B3GALNT2: variants seen among roughly 807,000 people sequenced by gnomAD.
B3GALNT2 encodes the protein beta-1,3-N-acetylgalactosaminyltransferase 2.
In B3GALNT2, 53 loss-of-function variants were observed where a neutral mutation model predicts 61.1. The ratio of observed to expected loss-of-function variants is 0.87; its 90% CI spans 0.70 to 1.09. The LOEUF (loss-of-function observed/expected upper bound fraction) is 1.09, where lower values mean the gene tolerates loss of function less well. Among genes scored for constraint, B3GALNT2 ranks in the 50% least tolerant of loss-of-function variants. B3GALNT2 has a pLI of 0.00. For synonymous variants in B3GALNT2, 223 were observed against 237.4 expected, an observed-to-expected ratio of 0.94 and a Z score of 0.56; for missense variants, 544 against 623.0, an observed-to-expected ratio of 0.87 and a Z score of 1.35.
intron 6 of B3GALNT2, among the ~76,000 whole-genome samples, chr1:235,468,717 C>T (rs546727363): frequency 3.7e-4 from 50 of 133,466 alleles, no homozygotes; most frequent in Non-Finnish European, 1.4e-4. Flanking sequence ...TCCCGAAGTG[C>T]TGGGATTACA....
chr1:235,483,734 T>C (rs291386), intron 4 of B3GALNT2, among the ~76,000 whole-genome samples: 112,069 of 152,168 alleles, frequency 0.74, 42,341 homozygotes, highest in African/African-American at 0.92. Context: ...TAGGGTTTAC[T>C]GAATAATTCC....
chr1:235,481,959 C>A (rs991407335), intron 4 of B3GALNT2, among the ~76,000 whole-genome samples: 13 of 151,972 alleles, frequency 8.6e-5, no homozygotes, highest in African/African-American at 2.9e-4. Flanking sequence ...AGGGCAAATT[C>A]CAAAAAAGAA....
At chr1:235,474,270 A>T (rs1442329897) in intron 5 of B3GALNT2, among the ~76,000 whole-genome samples, 1 of 152,216 alleles carries the variant, frequency 6.6e-6, no homozygotes, top group African/African-American at 2.4e-5. Flanking sequence ...AAGATCATAA[A>T]AACCAAAATA....
chr1:235,455,493 TTA>T, intron 9 of B3GALNT2, 64 bp downstream of exon 9: 1 of 1,520,074 alleles, frequency 6.6e-7, no homozygotes. Context: ...AAAAGATATT[TTA>T]TGCTTTATTA....
chr1:235,495,141 G>C (rs929094394), intron 1 of B3GALNT2, among the ~76,000 whole-genome samples: 21 of 152,106 alleles, frequency 1.4e-4, no homozygotes, highest in Admixed American at 4.6e-4. Context: ...AAAAATAGTA[G>C]GCATTAAGAG....
At chr1:235,482,056 C>T (rs1475731744) in intron 4 of B3GALNT2, among the ~76,000 whole-genome samples, 1 of 152,168 alleles carries the variant, frequency 6.6e-6, no homozygotes. Flanking sequence ...AATACAAACA[C>T]ATTTTAAAAA....
chr1:235,499,291 T>C (rs1193516701), intron 1 of B3GALNT2, among the ~76,000 whole-genome samples: 2 of 152,210 alleles, frequency 1.3e-5, no homozygotes, highest in African/African-American at 2.4e-5. Flanking sequence ...CTGGTTACTA[T>C]CCCTGGTAGT....
chr1:235,482,651 A>G (rs963266830), intron 4 of B3GALNT2, among the ~76,000 whole-genome samples: 1 of 152,152 alleles, frequency 6.6e-6, no homozygotes, highest in Admixed American at 6.6e-5. Flanking sequence ...TAGGATCCAG[A>G]GTTCCTACAA....
At chr1:235,460,177 G>A (rs1193667407) in intron 7 of B3GALNT2, among the ~76,000 whole-genome samples, 3 of 151,832 alleles carry the variant, frequency 2.0e-5, no homozygotes, top group Admixed American at 6.6e-5. Flanking sequence ...ACAATGGCAC[G>A]ATCTCAGCTC....
downstream of B3GALNT2, among the ~76,000 whole-genome samples, chr1:235,446,695 GTT>G (rs11405266): frequency 1.3e-4 from 18 of 138,892 alleles, no homozygotes; most frequent in Admixed American, 2.2e-4. Context: ...GAGTAGGCAG[GTT>G]TTTTTTTTTT....
At chr1:235,451,372 T>C (rs1488128646) in intron 11 of B3GALNT2, 2 of 151,326 alleles carry the variant, frequency 1.3e-5, no homozygotes, top group Admixed American at 6.6e-5. Context: ...GATGGTAGTA[T>C]TCCTAGATGC....
At chr1:235,480,442 T>C (rs894951365) in intron 4 of B3GALNT2, among the ~76,000 whole-genome samples, 1 of 150,546 alleles carries the variant, frequency 6.6e-6, no homozygotes, top group African/African-American at 2.4e-5. Context: ...TTCAGGGAAG[T>C]GAGCAGTGTT....
chr1:235,498,464 T>C (rs1396007761), intron 1 of B3GALNT2, among the ~76,000 whole-genome samples: 1 of 152,202 alleles, frequency 6.6e-6, no homozygotes, highest in Non-Finnish European at 1.5e-5. Context: ...TTCTCCTACA[T>C]TCAAACTGAC....
chr1:235,495,564 T>C (rs1193435209), intron 1 of B3GALNT2, among the ~76,000 whole-genome samples: 2 of 151,754 alleles, frequency 1.3e-5, no homozygotes, highest in Non-Finnish European at 2.9e-5. Flanking sequence ...AATAATAAAG[T>C]AAGTCATTCT....
rs1007431959 is a variant in B3GALNT2, at chr1:235,504,423, G to C, written c.-171C>G. ...TCGCAGCTCCCGGCCCCGCTCCTCCGGTCCCTCAGACCGCGGGTGGCCGCG... is the reference window on the plus strand; with the variant it reads ...TCGCAGCTCCCGGCCCCGCTCCTCCCGTCCCTCAGACCGCGGGTGGCCGCG... On this transcript the variant is annotated 5_prime_UTR_variant, in exon 1 of 12. Transcript: ENST00000366600. 5.9e-6 allele frequency: 4 copies of C among 677,268 alleles called. No homozygotes were observed. Among genetic ancestry groups the C allele is most frequent in the Non-Finnish European group, 6.5e-6 (3 of 458,764 alleles). The allele number at this position is 677,268 out of a possible 1,614,324, so 42.0% of individuals were successfully genotyped here.
chr1:235,504,244 G>A lies in B3GALNT2; in HGVS notation c.9C>T (p.Asn3=), dbSNP rs1000058314. Residue 3 remains asparagine, a synonymous_variant, in exon 1 of 12, where the codon AAC becomes AAT. Transcript: ENST00000366600. MR[N]WLVLLCPCVL... ...CACACGGGCACAGCAGCACCAGCCAGTTTCGCATTGGCCGCCCCCGCCGCG... is the reference window on the plus strand; with the variant it reads ...CACACGGGCACAGCAGCACCAGCCAATTTCGCATTGGCCGCCCCCGCCGCG... 4 of 1,486,682 alleles carry A rather than the reference G, an allele frequency of 2.7e-6. No homozygotes were observed. In the South Asian group the frequency reaches 3.7e-5, roughly 14 times the overall value. 92.1% of individuals were successfully genotyped at this position (1,486,682 alleles called of 1,614,324 possible).
chr1:235,467,308 C>T (rs1180828493), intron 6 of B3GALNT2, among the ~76,000 whole-genome samples: 6 of 151,888 alleles, frequency 4.0e-5, no homozygotes, highest in East Asian at 1.9e-4. Flanking sequence ...AAGACTGTGC[C>T]ACTGTACTCC....
chr1:235,440,836 C>G, the B3GALNT2 span: 2 of 152,260 alleles, frequency 1.3e-5, no homozygotes, highest in African/African-American at 4.8e-5. Context: ...CTTAAATCCT[C>G]CAGCCTGGTT....
chr1:235,501,891 T>A (rs1018862174), intron 1 of B3GALNT2, among the ~76,000 whole-genome samples: 2 of 152,132 alleles, frequency 1.3e-5, no homozygotes, highest in Non-Finnish European at 2.9e-5. Flanking sequence ...AGTTTCAACA[T>A]GGTGACAGCA....
Sources: gnomAD v4.1 joint callset for allele counts (sites outside exome capture counted in the v4.1 genomes callset) on GRCh38, gnomAD v4.1.1 for gene constraint, MANE v1.5 for transcripts, NCBI Gene and HGNC (gene_info 2026-07-23, HGNC 2026-07-21) for gene names.